LCLAT1: variants seen among roughly 807,000 people sequenced by gnomAD.
LCLAT1 encodes the protein 1-AGP acyltransferase 8.
In LCLAT1, 11 loss-of-function variants were observed where a neutral mutation model predicts 30.7. The observed-to-expected ratio is 0.36, with a 90% CI of 0.23 to 0.59. The LOEUF (loss-of-function observed/expected upper bound fraction) is 0.59. Ranked by LOEUF, LCLAT1 falls within the 20% of genes least tolerant of loss-of-function variation. The probability of loss-of-function intolerance (pLI) is 0.77; values close to 1 mark genes in which losing one functional copy is unlikely to be tolerated. For missense variants in LCLAT1, 402 were observed against 458.6 expected (o/e 0.88, Z 1.13); for synonymous variants, 155 against 151.3 (o/e 1.02, Z -0.18).
intron 5 of LCLAT1, among the ~76,000 whole-genome samples, chr2:30,594,049 G>A (rs1467616725): frequency 2.0e-5 from 3 of 151,726 alleles, no homozygotes; most frequent in African/African-American, 4.8e-5. Flanking sequence ...TAGGTTTTAT[G>A]TTTTAATAAA....
chr2:30,635,994 G>A (rs1197064904), intron 5 of LCLAT1, among the ~76,000 whole-genome samples: 1 of 152,150 alleles, frequency 6.6e-6, no homozygotes, highest in Non-Finnish European at 1.5e-5. Context: ...TCTAGTAAGG[G>A]CACAGGATGG....
chr2:30,475,296 A>T (rs997972520), intron 1 of LCLAT1, among the ~76,000 whole-genome samples: 10 of 152,140 alleles, frequency 6.6e-5, no homozygotes, highest in Admixed American at 6.5e-4. Context: ...ATGGTCCCTT[A>T]CTAGTCTTAT....
chr2:30,497,675 A>C (rs190278657), intron 1 of LCLAT1, among the ~76,000 whole-genome samples: 1 of 151,950 alleles, frequency 6.6e-6, no homozygotes, highest in East Asian at 1.9e-4. Flanking sequence ...CTTTCTTTAC[A>C]TTCATAATCT....
chr2:30,518,797 A>G (rs946889620), intron 1 of LCLAT1, among the ~76,000 whole-genome samples: 2 of 152,136 alleles, frequency 1.3e-5, no homozygotes, highest in African/African-American at 4.8e-5. Flanking sequence ...TTTGCCTTTG[A>G]TGATCCTTCG....
At chr2:30,480,463 G>A (rs1339354815) in intron 1 of LCLAT1, among the ~76,000 whole-genome samples, 1 of 152,160 alleles carries the variant, frequency 6.6e-6, no homozygotes, top group African/African-American at 2.4e-5. Context: ...CCAAAGTGCT[G>A]GGATTACAGG....
At chr2:30,519,414 C>T (rs534779820) in intron 1 of LCLAT1, among the ~76,000 whole-genome samples, 122 of 152,278 alleles carry the variant, frequency 8.0e-4, no homozygotes, top group African/African-American at 2.8e-3. Context: ...ACAACCCCTA[C>T]TATGCCCCAG....
intron 5 of LCLAT1, among the ~76,000 whole-genome samples, chr2:30,593,434 G>GTTGT (rs1666783832): frequency 6.6e-6 from 1 of 152,154 alleles, no homozygotes; most frequent in South Asian, 2.1e-4. Flanking sequence ...GCAGTACCAT[G>GTTGT]TTGTTTGGGT....
chr2:30,555,733 G>A (rs1035645131), intron 3 of LCLAT1, among the ~76,000 whole-genome samples: 2 of 151,912 alleles, frequency 1.3e-5, no homozygotes, highest in African/African-American at 4.8e-5. Context: ...GTCAAAAATG[G>A]AAGGGTGAAA....
At chr2:30,506,518 G>T (rs12986509) in intron 1 of LCLAT1, among the ~76,000 whole-genome samples, 1,759 of 152,166 alleles carry the variant, frequency 0.012, 13 homozygotes, top group Non-Finnish European at 0.02. Context: ...TAAAAGACAC[G>T]TGATAATGCT....
rs1664709447 is a variant in LCLAT1 at position 30,552,169 on chromosome 2, T to C, written c.365-9977T>C. Among the ~76,000 whole-genome samples, 3 of 152,214 alleles carry C rather than the reference T, an allele frequency of 2.0e-5. No individual in the cohort carries two copies. In the South Asian group the frequency reaches 6.2e-4, roughly 32 times the overall value. ...TTGCAACAGGAAGAAATATCTCAGATAATAGCTCATTTAGAAAATTGGTCA... is the reference window on the plus strand; with the variant it reads ...TTGCAACAGGAAGAAATATCTCAGACAATAGCTCATTTAGAAAATTGGTCA... On this transcript the variant is annotated intron_variant, in intron 3 of 5. Transcript: ENST00000379509.
At position 30,553,554 on chromosome 2, in the gene LCLAT1, G is replaced by A. The variant is rs1313893225; in HGVS notation, c.365-8592G>A. 5.3e-5 allele frequency among the ~76,000 whole-genome samples: 8 copies of A among 152,304 alleles called. No individual in the cohort carries two copies. The South Asian group carries it at 1.5e-3, about 28-fold the overall frequency. On this transcript the variant is annotated intron_variant, in intron 3 of 5. Transcript: ENST00000379509. ...CAAATTGCCGGGCGCGGTGGCTCAC[G>A]CCTGTAATCCCAGCACTTTGGGAGG...
intron 5 of LCLAT1, among the ~76,000 whole-genome samples, chr2:30,572,367 T>G (rs997134477): frequency 2.6e-5 from 4 of 152,264 alleles, no homozygotes; most frequent in African/African-American, 9.6e-5. Context: ...CACGTTTCTT[T>G]ACCTTGCCCA....
chr2:30,525,288 G>A (rs556939917), intron 1 of LCLAT1, among the ~76,000 whole-genome samples: 8 of 152,252 alleles, frequency 5.3e-5, no homozygotes, highest in African/African-American at 1.9e-4. Context: ...TGTTGGCCAG[G>A]CTGGTCTCGA....
chr2:30,608,196 C>T (rs960958529), intron 5 of LCLAT1, among the ~76,000 whole-genome samples: 7 of 151,592 alleles, frequency 4.6e-5, no homozygotes, highest in Non-Finnish European at 7.4e-5. Context: ...TGGCAGGTGC[C>T]TCTATTCCCA....
intron 1 of LCLAT1, among the ~76,000 whole-genome samples, chr2:30,460,880 A>T (rs1031369895): frequency 6.6e-6 from 1 of 152,196 alleles, no homozygotes; most frequent in Non-Finnish European, 1.5e-5. Flanking sequence ...AAACCCTGGA[A>T]TAGCAGTGAA....
chr2:30,459,486 A>C, intron 1 of LCLAT1: 1 of 716,486 alleles, frequency 1.4e-6, no homozygotes, highest in Non-Finnish European at 2.5e-6. Context: ...GAACCATCTG[A>C]TGAGCCCGGT....
At chr2:30,456,633 A>T (rs1681851717) in intron 1 of LCLAT1, among the ~76,000 whole-genome samples, 2 of 152,080 alleles carry the variant, frequency 1.3e-5, no homozygotes, top group African/African-American at 4.8e-5. Context: ...TCTTTGGCTT[A>T]GGAGAGCAGG....
chr2:30,629,650 T>A (rs529484679), intron 5 of LCLAT1, among the ~76,000 whole-genome samples: 1 of 152,242 alleles, frequency 6.6e-6, no homozygotes, highest in Non-Finnish European at 1.5e-5. Flanking sequence ...AGCACTGTTA[T>A]ACATTTTTGG....
intron 3 of LCLAT1, among the ~76,000 whole-genome samples, chr2:30,555,877 G>T (rs1224007755): frequency 7.4e-6 from 1 of 134,582 alleles, no homozygotes; most frequent in East Asian, 2.1e-4. Flanking sequence ...TTGCTCTGTC[G>T]CCCAGGCTGG....
Sources: allele counts gnomAD v4.1 joint callset (sites outside exome capture counted in the v4.1 genomes callset), GRCh38; gene constraint gnomAD v4.1.1; transcripts MANE v1.5; gene names NCBI Gene and HGNC (gene_info 2026-07-23, HGNC 2026-07-21).